Variants in DCLRE1A observed in about 807,000 individuals in gnomAD.
The protein encoded by DCLRE1A is DNA cross-link repair 1A protein.
Under a neutral mutation model 91.9 loss-of-function variants are expected in DCLRE1A, and 64 were observed. The ratio of observed to expected loss-of-function variants is 0.70; its 90% CI spans 0.57 to 0.86. DCLRE1A has a LOEUF of 0.86. Among genes scored for constraint, DCLRE1A ranks in the 40% least tolerant of loss-of-function variants. The probability of loss-of-function intolerance (pLI) is 0.00; values close to 1 mark genes in which losing one functional copy is unlikely to be tolerated. For missense variants in DCLRE1A, 1,145 were observed against 1,213.3 expected (o/e 0.94, Z 0.84); for synonymous variants, 416 against 431.1 (o/e 0.96, Z 0.43).
rs1050257364 is a variant in DCLRE1A at position 113,850,599 on chromosome 10, T to C, written c.506A>G (p.Tyr169Cys). ...TAGCAGGAAGTGAGTGTATCTCTTG[T>C]AATGAAAAGGAATGGTTGAGGTACA... ...LLCTSTIPFHYKRYTHFLLAQ... is the reference protein window; with the variant it reads ...LLCTSTIPFHCKRYTHFLLAQ... Residue 169 changes from tyrosine (Y) to cysteine (C), a missense_variant, in exon 2 of 9, where the codon TAC becomes TGC. Tyr to Cys is a radical substitution (Grantham distance 194). Transcript: ENST00000361384. The C allele has an allele frequency of 3.1e-6, 5 of 1,613,386 alleles. No individual in the cohort carries two copies. The African/African-American group carries it at 5.3e-5, about 17-fold the overall frequency.
At chr10:113,851,856 G>T (rs548359043) in intron 1 of DCLRE1A, among the ~76,000 whole-genome samples, 1 of 151,732 alleles carries the variant, frequency 6.6e-6, no homozygotes, top group Non-Finnish European at 1.5e-5. Flanking sequence ...CTTCCAAGTA[G>T]CCCACCACAC....
chr10:113,849,764 A>T lies in DCLRE1A; in HGVS notation c.1341T>A (p.Ile447=). ...CTTGATTGTAAACAGATGATTCTTC[A>T]ATTACCTGTTTCTGTTTATTTGATT... The part of the protein sequence containing the change: ...SAQSNKQKQV[I]EESSVYNQVS... The change falls in exon 2 of 9, where the codon ATT becomes ATA. Residue 447 remains isoleucine (I), a synonymous_variant. Coordinates refer to ENST00000361384, the MANE Select transcript of DCLRE1A (RefSeq NM_014881.5). 6.2e-7 allele frequency: 1 copy of T among 1,614,166 alleles called. No homozygotes were observed. Among genetic ancestry groups the T allele is most frequent in the Non-Finnish European group, 8.5e-7 (1 of 1,180,028 alleles).
Position 113,846,236 on chromosome 10 carries a change from T to C in DCLRE1A, c.2260-433A>G, listed in dbSNP as rs186751077. On this transcript the variant is annotated intron_variant, in intron 3 of 8. Coordinates refer to ENST00000361384, the MANE Select transcript of DCLRE1A (RefSeq NM_014881.5). ...GGTCCTGGAATCAGACAGATTTGCA[T>C]ACAAGTTCAGACTCTGCCATTTTTA... Among the ~76,000 whole-genome samples the C allele has an allele frequency of 4.6e-5, 7 of 152,298 alleles. No homozygotes were observed. In the East Asian group the frequency reaches 1.3e-3, roughly 29 times the overall value.
intron 3 of DCLRE1A, among the ~76,000 whole-genome samples, chr10:113,846,382 C>T (rs1845538005): frequency 6.6e-6 from 1 of 152,092 alleles, no homozygotes; most frequent in South Asian, 2.1e-4. Flanking sequence ...CTAGTTCAAG[C>T]CCTTAGTAAT....
chr10:113,844,067 G>A, intron 5 of DCLRE1A, 37 bp downstream of exon 5: 1 of 1,611,200 alleles, frequency 6.2e-7, no homozygotes, highest in Non-Finnish European at 8.5e-7. Context: ...AAGGCTGTCA[G>A]TGGGAAAAGG....
At chr10:113,839,463 A>C (rs1845414217) in intron 7 of DCLRE1A, among the ~76,000 whole-genome samples, 1 of 152,162 alleles carries the variant, frequency 6.6e-6, no homozygotes. Flanking sequence ...TCATCTATTC[A>C]AAAACATTTT....
chr10:113,841,395 TG>T lies in DCLRE1A; in HGVS notation c.2820+10del. 1 of 1,611,312 alleles carries T rather than the reference TG, an allele frequency of 6.2e-7. No homozygotes were observed. The highest frequency in any genetic ancestry group is 8.5e-7 in the Non-Finnish European group (1 of 1,178,970). Reference sequence around the variant, plus strand: ...TGTTCATCCTAAAAGACATATCTCTTGAATGCTTACCTTAAAATTAATTTGC... The same window carrying T: ...TGTTCATCCTAAAAGACATATCTCTTAATGCTTACCTTAAAATTAATTTGC... On this transcript the variant is annotated intron_variant, in intron 7 of 8. Coordinates refer to ENST00000361384, the MANE Select transcript of DCLRE1A (RefSeq NM_014881.5).
Position 113,850,138 on chromosome 10 carries a change from G to C in DCLRE1A, c.967C>G (p.Leu323Val). The C allele has an allele frequency of 6.2e-7, 1 of 1,614,064 alleles. No homozygotes were observed. ...DEKPDDSQEQ[L>V]FFTESSKDGS... ...TCTTTTGAGCTTTCGGTAAAAAACA[G>C]TTGTTCTTGTGAATCATCCGGTTTT... The change falls in exon 2 of 9, where the codon CTG becomes GTG. Residue 323 changes from leucine to valine, a missense_variant. Leu to Val is a conservative substitution (Grantham distance 32). Transcript: ENST00000361384.
At chr10:113,848,477 A>G (rs1034148086) in intron 2 of DCLRE1A, among the ~76,000 whole-genome samples, 1 of 152,196 alleles carries the variant, frequency 6.6e-6, no homozygotes, top group Non-Finnish European at 1.5e-5. Flanking sequence ...GCAACCAAGT[A>G]TATTTTGGCA....
In DCLRE1A at chr10:113,835,055, T is replaced by TA. The variant is rs1157403025; in HGVS notation, c.*96_*97insT. On this transcript the variant is annotated 3_prime_UTR_variant, in exon 9 of 9. Transcript: ENST00000361384. The stretch of plus-strand genomic sequence containing the variant: ...AAGTATCTGAACAATCTTCATGAGG[T>TA]TTTTCCACACAAAGTGTATTTCACA... The TA allele has an allele frequency of 7.3e-5, 90 of 1,237,972 alleles. No individual in the cohort carries two copies. In the African/African-American group the frequency reaches 1.1e-3, roughly 16 times the overall value. 76.7% of individuals were successfully genotyped at this position (1,237,972 alleles called of 1,614,324 possible).
intron 1 of DCLRE1A, among the ~76,000 whole-genome samples, chr10:113,851,682 C>T (rs1845652396): frequency 6.6e-6 from 1 of 151,616 alleles, no homozygotes; most frequent in South Asian, 2.1e-4. Context: ...AGCACGATGA[C>T]TAAAACATAA....
intron 7 of DCLRE1A, among the ~76,000 whole-genome samples, chr10:113,837,670 C>A (rs1845384302): frequency 6.6e-6 from 1 of 152,176 alleles, no homozygotes; most frequent in African/African-American, 2.4e-5. Context: ...ATACATTTTA[C>A]AGCTGCTTAA....
At position 113,835,099 on chromosome 10, in the gene DCLRE1A, C is replaced by G. The variant is rs1845342448; in HGVS notation, c.*53G>C. Reference sequence around the variant, plus strand: ...TTTCACATTTCTATAGATTTAACTACTAACAAGCTACATCCAAGGAACTTA... The same window carrying G: ...TTTCACATTTCTATAGATTTAACTAGTAACAAGCTACATCCAAGGAACTTA... On this transcript the variant is annotated 3_prime_UTR_variant, in exon 9 of 9. Transcript: ENST00000361384. The G allele has an allele frequency of 1.3e-6, 2 of 1,533,974 alleles. No homozygotes were observed. Among genetic ancestry groups the G allele is most frequent in the South Asian group, 2.4e-5 (2 of 82,398 alleles).
In DCLRE1A at chr10:113,841,573, G is replaced by T. The variant is rs1378474238; in HGVS notation, c.2666-13C>A. ...ACATCAGCAATGGCTATGGGCAAAA[G>T]AAAAGATTAAAAATAGTAAACTTAC... On this transcript the variant is annotated splice_polypyrimidine_tract_variant and intron_variant, in intron 6 of 8. Transcript: ENST00000361384. 10 of 1,579,408 alleles carry T rather than the reference G, an allele frequency of 6.3e-6. No individual in the cohort carries two copies. The Admixed American group carries it at 1.8e-4, about 28-fold the overall frequency.
At chr10:113,840,165 A>G (rs983847270) in intron 7 of DCLRE1A, among the ~76,000 whole-genome samples, 1 of 151,954 alleles carries the variant, frequency 6.6e-6, no homozygotes, top group African/African-American at 2.4e-5. Context: ...ATGGTGGCAC[A>G]TGCCTGTAAT....
At chr10:113,840,288 T>C (rs1008790297) in intron 7 of DCLRE1A, among the ~76,000 whole-genome samples, 1 of 107,798 alleles carries the variant, frequency 9.3e-6, no homozygotes, top group Non-Finnish European at 1.9e-5. Flanking sequence ...GGCGAGACTC[T>C]GTCTCCAAAA....
chr10:113,853,994 G>C lies in DCLRE1A; in HGVS notation c.-812C>G, dbSNP rs1369316126. On this transcript the variant is annotated 5_prime_UTR_variant, in exon 1 of 9. Transcript: ENST00000361384. The stretch of plus-strand genomic sequence containing the variant: ...CACCTGACTCAAAACGGGGTCACAC[G>C]CCAGCCTCTCCCTTATCTTTTGGCA... The C allele has an allele frequency of 6.6e-6, 1 of 152,234 alleles. No homozygotes were observed. Among genetic ancestry groups the C allele is most frequent in the Non-Finnish European group, 1.5e-5 (1 of 68,084 alleles). The allele number at this position is 152,234 out of a possible 1,614,324, so 9.4% of individuals were successfully genotyped here.
At chr10:113,842,711 CTTTT>C (rs1845465645) in intron 5 of DCLRE1A, among the ~76,000 whole-genome samples, 1 of 152,044 alleles carries the variant, frequency 6.6e-6, no homozygotes, top group African/African-American at 2.4e-5. Flanking sequence ...CATTATATTT[CTTTT>C]ATCACTCTCA....
chr10:113,841,691 T>C, intron 6 of DCLRE1A, 131 bp from the exon 7 acceptor site: 1 of 900,362 alleles, frequency 1.1e-6, no homozygotes, highest in Non-Finnish European at 1.6e-6. Context: ...TTTACCATGA[T>C]ATCTCAAAAA....
Sources: allele counts gnomAD v4.1 joint callset (sites outside exome capture counted in the v4.1 genomes callset), GRCh38; gene constraint gnomAD v4.1.1; transcripts MANE v1.5; gene names NCBI Gene and HGNC (gene_info 2026-07-23, HGNC 2026-07-21).